Variants in CDH8 observed in about 807,000 individuals in gnomAD.
CDH8 encodes the protein cadherin 8, also known as cadherin-8.
A neutral mutation model predicts 68.1 loss-of-function variants in CDH8; 17 were observed. The observed-to-expected ratio is 0.25, with a 90% CI of 0.17 to 0.37. CDH8 has a LOEUF of 0.37. CDH8 is among the 10% of genes least tolerant of loss of function. The pLI, the probability that CDH8 is intolerant of heterozygous loss-of-function variation, is 1.00. For synonymous variants in CDH8, 372 were observed against 365.1 expected, an observed-to-expected ratio of 1.02 and a Z score of -0.21; for missense variants, 763 against 999.3, an observed-to-expected ratio of 0.76 and a Z score of 3.19.
intron 8 of CDH8, among the ~76,000 whole-genome samples, chr16:61,765,602 C>T (rs1298113719): frequency 6.6e-6 from 1 of 151,940 alleles, no homozygotes; most frequent in Non-Finnish European, 1.5e-5. Flanking sequence ...TAAGAGAGTT[C>T]TAGTATTTTC....
intron 7 of CDH8, among the ~76,000 whole-genome samples, chr16:61,808,015 T>A (rs530391408): frequency 6.6e-6 from 1 of 152,278 alleles, no homozygotes; most frequent in Admixed American, 6.5e-5. Context: ...AAAGTGTAAA[T>A]GTAAATGAAA....
chr16:61,727,902 A>G (rs760466020), intron 8 of CDH8, among the ~76,000 whole-genome samples: 18 of 151,048 alleles, frequency 1.2e-4, no homozygotes, highest in Non-Finnish European at 2.7e-4. Flanking sequence ...ATAATCCTCA[A>G]TCCCTGAATC....
chr16:61,662,753 G>A (rs957726872), intron 10 of CDH8, among the ~76,000 whole-genome samples: 12 of 151,816 alleles, frequency 7.9e-5, no homozygotes, highest in African/African-American at 2.9e-4. Context: ...GTATATGGTA[G>A]GATGTACATA....
At chr16:61,951,091 AATC>A (rs144502941) in intron 2 of CDH8, among the ~76,000 whole-genome samples, 3,597 of 151,348 alleles carry the variant, frequency 0.024, 68 homozygotes, top group Middle Eastern at 0.037. Context: ...GATAACTAGT[AATC>A]ATCATCATCA....
chr16:61,657,742 G>A (rs1352090359), intron 10 of CDH8, among the ~76,000 whole-genome samples: 1 of 152,030 alleles, frequency 6.6e-6, no homozygotes, highest in South Asian at 2.1e-4. Flanking sequence ...ACTGAAATGA[G>A]GCTATTGTCT....
chr16:61,700,437 C>T (rs780101206), intron 10 of CDH8, among the ~76,000 whole-genome samples: 5 of 151,908 alleles, frequency 3.3e-5, no homozygotes, highest in South Asian at 4.1e-4. Context: ...CGTGCCACAA[C>T]GCCCAGGTAA....
chr16:62,031,571 G>A (rs551486317), intron 1 of CDH8, among the ~76,000 whole-genome samples: 3 of 151,964 alleles, frequency 2.0e-5, no homozygotes, highest in African/African-American at 4.8e-5. Flanking sequence ...CTGTTTGAAG[G>A]TTCCAAATAT....
At chr16:61,807,618 G>T (rs958264645) in intron 7 of CDH8, among the ~76,000 whole-genome samples, 1 of 152,174 alleles carries the variant, frequency 6.6e-6, no homozygotes, top group African/African-American at 2.4e-5. Context: ...AAAGGAGGAT[G>T]CCAGAGATGT....
intron 7 of CDH8, among the ~76,000 whole-genome samples, chr16:61,790,032 G>T (rs1306328325): frequency 1.3e-5 from 2 of 151,916 alleles, no homozygotes; most frequent in Non-Finnish European, 2.9e-5. Flanking sequence ...ATTAGTCTCA[G>T]TCCATAGAAA....
intron 8 of CDH8, among the ~76,000 whole-genome samples, chr16:61,788,028 T>C (rs1176081915): frequency 1.3e-5 from 2 of 150,658 alleles, no homozygotes; most frequent in Admixed American, 6.6e-5. Context: ...GCATGGCACA[T>C]GTATACATAT....
chr16:61,678,451 T>C (rs548245657), intron 10 of CDH8, among the ~76,000 whole-genome samples: 20 of 152,260 alleles, frequency 1.3e-4, no homozygotes, highest in African/African-American at 4.6e-4. Context: ...GAGACCAGGT[T>C]AGCCACTTGC....
intron 10 of CDH8, among the ~76,000 whole-genome samples, chr16:61,702,242 GGTGCCT>G (rs1286644610): frequency 1.3e-5 from 2 of 152,122 alleles, no homozygotes; most frequent in Non-Finnish European, 2.9e-5. Flanking sequence ...AGTGGCGGCG[GGTGCCT>G]GTAGTCCCAG....
chr16:61,789,144 C>T (rs1001268323), intron 8 of CDH8, among the ~76,000 whole-genome samples: 2 of 152,044 alleles, frequency 1.3e-5, no homozygotes, highest in African/African-American at 4.8e-5. Flanking sequence ...TTCCTTCTCA[C>T]ATATCCTGAA....
rs1197409791 is a variant in CDH8 at position 61,655,599 on chromosome 16, T to C, written c.1777A>G (p.Thr593Ala). 1.2e-6 allele frequency: 2 copies of C among 1,614,198 alleles called. No individual in the cohort carries two copies. The highest frequency in any genetic ancestry group is 8.5e-7 in the Non-Finnish European group (1 of 1,180,028). Residue 593 changes from threonine to alanine, a missense_variant, in exon 11 of 12, where the codon ACA becomes GCA. Thr to Ala is a moderately conservative substitution (Grantham distance 58). Coordinates refer to ENST00000577390, the MANE Select transcript of CDH8 (RefSeq NM_001796.5). The part of the protein sequence containing the change: ...NPPLSSTSTL[T>A]IRVCGCSNDG... Reference sequence around the variant, plus strand: ...TTGCTGCAGCCACAGACCCTGATTGTCAAGGTGCTAGTGCTGCTCAGTGGA... The same window carrying C: ...TTGCTGCAGCCACAGACCCTGATTGCCAAGGTGCTAGTGCTGCTCAGTGGA...
At position 61,652,819 on chromosome 16, in the gene CDH8, A is replaced by C. The variant is rs1238380441; in HGVS notation, c.*789T>G. On this transcript the variant is annotated 3_prime_UTR_variant, in exon 12 of 12. Transcript: ENST00000577390. The stretch of plus-strand genomic sequence containing the variant: ...CTAGCAATAAAACCATCTGTCTCTT[A>C]TGTAGTCCACTGTGTGATACAGTTT... 1.4e-6 allele frequency: 2 copies of C among 1,469,476 alleles called. No individual in the cohort carries two copies. Among genetic ancestry groups the C allele is most frequent in the Non-Finnish European group, 1.8e-6 (2 of 1,112,790 alleles). 91.0% of individuals were successfully genotyped at this position (1,469,476 alleles called of 1,614,324 possible).
rs1187984405 is a variant in CDH8, at chr16:61,651,968, A to C, written c.*1640T>G. 2.8e-5 allele frequency: 14 copies of C among 497,648 alleles called. No individual in the cohort carries two copies. The highest frequency in any genetic ancestry group is 3.1e-5 in the Non-Finnish European group (12 of 384,826). 30.8% of individuals were successfully genotyped at this position (497,648 alleles called of 1,614,324 possible). A position where few individuals can be genotyped will look rare whatever the true frequency, so the allele number is the denominator to read the frequency against. ...TTAGTTTGAGTTGATGATTCTGTTA[A>C]TAGATCTTCCACTGATTGAAAAAAA... On this transcript the variant is annotated 3_prime_UTR_variant, in exon 12 of 12. Coordinates refer to ENST00000577390, the MANE Select transcript of CDH8 (RefSeq NM_001796.5).
intron 2 of CDH8, among the ~76,000 whole-genome samples, chr16:62,019,047 C>T (rs527447302): frequency 6.6e-6 from 1 of 152,214 alleles, no homozygotes; most frequent in East Asian, 1.9e-4. Context: ...TTACATTATG[C>T]AAGACACAGT....
chr16:61,955,611 T>C (rs1415781718), intron 2 of CDH8, among the ~76,000 whole-genome samples: 1 of 152,182 alleles, frequency 6.6e-6, no homozygotes, highest in Non-Finnish European at 1.5e-5. Flanking sequence ...ATTTTTTCTT[T>C]CTTTTTTTTA....
At chr16:61,690,496 T>C (rs370474283) in intron 10 of CDH8, among the ~76,000 whole-genome samples, 2 of 152,114 alleles carry the variant, frequency 1.3e-5, no homozygotes, top group African/African-American at 2.4e-5. Flanking sequence ...TCAATATGCA[T>C]GATAAGATCT....
Sources: gnomAD v4.1 joint callset for allele counts (sites outside exome capture counted in the v4.1 genomes callset) on GRCh38, gnomAD v4.1.1 for gene constraint, MANE v1.5 for transcripts, NCBI Gene and HGNC (gene_info 2026-07-23, HGNC 2026-07-21) for gene names.